PCDHA3: variants seen among roughly 807,000 people sequenced by gnomAD.
PCDHA3 encodes the protein protocadherin alpha 3.
PCDHA3 carries 41 observed loss-of-function variants against 62.2 expected under a neutral mutation model. The observed-to-expected ratio is 0.66, with a 90% CI of 0.51 to 0.86. The LOEUF (loss-of-function observed/expected upper bound fraction) is 0.86. PCDHA3 is among the 40% of genes least tolerant of loss of function. The pLI is 0.00. For synonymous variants in PCDHA3, 640 were observed against 555.4 expected (o/e 1.15, Z -2.14); for missense variants, 1,304 against 1,241.2 (o/e 1.05, Z -0.76).
chr5:140,830,567 GTTTTTAA>G, intron 1 of PCDHA3: 1 of 951,116 alleles, frequency 1.1e-6, no homozygotes, highest in Non-Finnish European at 1.4e-6. Context: ...CTATATTTCT[GTTTTTAA>G]TTTTTAATTA....
At chr5:140,830,650 A>G (rs1771186234) in intron 1 of PCDHA3, 2 of 455,226 alleles carry the variant, frequency 4.4e-6, no homozygotes, top group East Asian at 4.5e-5. Flanking sequence ...CTTCTTTAAT[A>G]TTCATAATTT....
intron 3 of PCDHA3, among the ~76,000 whole-genome samples, chr5:140,989,486 A>G (rs1563557204): frequency 6.6e-6 from 1 of 152,190 alleles, no homozygotes; most frequent in African/African-American, 2.4e-5. Context: ...AGGTGCTTGA[A>G]CAAGAAAGAC....
At chr5:140,892,707 G>A (rs958500270) in intron 1 of PCDHA3, among the ~76,000 whole-genome samples, 1 of 152,136 alleles carries the variant, frequency 6.6e-6, no homozygotes, top group African/African-American at 2.4e-5. Flanking sequence ...AGGGTAATTA[G>A]CATATTCATA....
At chr5:141,005,469 C>T (rs549630927) in intron 3 of PCDHA3, among the ~76,000 whole-genome samples, 2 of 151,656 alleles carry the variant, frequency 1.3e-5, no homozygotes, top group South Asian at 2.1e-4. Flanking sequence ...TTTGGGAGGC[C>T]GAGACGGGCG....
intron 1 of PCDHA3, chr5:140,804,812 C>A (rs1763464693): frequency 3.1e-6 from 1 of 318,998 alleles, no homozygotes. Context: ...TAGTAACCAA[C>A]TGAAACCTGG....
chr5:140,920,728 C>T (rs781955762), intron 1 of PCDHA3, among the ~76,000 whole-genome samples: 8 of 151,974 alleles, frequency 5.3e-5, no homozygotes, highest in Non-Finnish European at 1.0e-4. Context: ...CCTGCAGTCC[C>T]AGCTACTCAG....
chr5:140,822,593 A>G (rs2150117634), intron 1 of PCDHA3: 1 of 1,611,374 alleles, frequency 6.2e-7, no homozygotes, highest in East Asian at 2.2e-5. Flanking sequence ...GAGGGCATCA[A>G]TAAGGAAATA....
intron 1 of PCDHA3, chr5:140,834,394 C>A (rs2150216490): frequency 1.3e-6 from 2 of 1,596,908 alleles, no homozygotes; most frequent in Admixed American, 1.7e-5. Flanking sequence ...ATGGTGTGCC[C>A]GAATGGATAC....
At chr5:140,963,159 C>T (rs971538193) in intron 1 of PCDHA3, among the ~76,000 whole-genome samples, 14 of 151,752 alleles carry the variant, frequency 9.2e-5, no homozygotes, top group Non-Finnish European at 1.9e-4. Flanking sequence ...AAAAATGACA[C>T]ATGCCATCTT....
intron 1 of PCDHA3, among the ~76,000 whole-genome samples, chr5:140,953,010 G>C (rs116014174): frequency 0.016 from 2,468 of 152,152 alleles, 61 homozygotes; most frequent in African/African-American, 0.055. Flanking sequence ...ACTATTATGA[G>C]AACAACATTA....
Position 140,912,120 on chromosome 5 carries a change from G to A in PCDHA3, c.2395-66829G>A, listed in dbSNP as rs371645551. On this transcript the variant is annotated intron_variant, in intron 1 of 3. Transcript: ENST00000522353. ...AGAAAGATGTAGGCTGGGAGGCTAA[G>A]TCAGTCTAATCTCTCCATGTTCTTC... Among the ~76,000 whole-genome samples the A allele has an allele frequency of 1.7e-4, 26 of 152,328 alleles. 3 individuals are homozygous for A. In the East Asian group the frequency reaches 1.9e-3, roughly 11 times the overall value.
chr5:140,828,136 C>G (rs936364862), intron 1 of PCDHA3: 1 of 1,613,734 alleles, frequency 6.2e-7, no homozygotes. Context: ...AATGTCTGCT[C>G]CTCCCGCTTC....
At chr5:140,895,036 A>T (rs1207978693) in intron 1 of PCDHA3, among the ~76,000 whole-genome samples, 1 of 151,998 alleles carries the variant, frequency 6.6e-6, no homozygotes, top group Non-Finnish European at 1.5e-5. Flanking sequence ...ATTGTCCCCC[A>T]CCCACACCAT....
intron 1 of PCDHA3, chr5:140,859,302 A>G (rs1280073821): frequency 4.7e-5 from 6 of 128,898 alleles, no homozygotes; most frequent in Non-Finnish European, 1.1e-4. Context: ...CTTTAGTATG[A>G]ATTAATATTA....
Position 140,805,615 on chromosome 5 carries a change from A to G in PCDHA3, c.2394+2024A>G, listed in dbSNP as rs532601368. ...CTTTATATATTAAATTTCTTTATGT[A>G]AGAAAATGTATTGTGGTTTATTTAT... On this transcript the variant is annotated intron_variant, in intron 1 of 3. Transcript: ENST00000522353. 1.6e-5 allele frequency: 15 copies of G among 918,546 alleles called. No homozygotes were observed. The East Asian group carries it at 4.7e-4, about 29-fold the overall frequency. 56.9% of individuals were successfully genotyped at this position (918,546 alleles called of 1,614,324 possible).
intron 1 of PCDHA3, among the ~76,000 whole-genome samples, chr5:140,906,640 G>A (rs1465278194): frequency 6.6e-6 from 1 of 152,210 alleles, no homozygotes; most frequent in African/African-American, 2.4e-5. Context: ...ACCTCAGCAG[G>A]TAGTGGTTTT....
chr5:140,869,415 C>T (rs1444507177), intron 1 of PCDHA3: 2 of 1,614,216 alleles, frequency 1.2e-6, no homozygotes, highest in South Asian at 1.1e-5. Context: ...AGTGCAGCAT[C>T]CACCTGGAGG....
intron 3 of PCDHA3, among the ~76,000 whole-genome samples, chr5:141,001,813 G>A (rs782384459): frequency 2.6e-5 from 4 of 152,172 alleles, no homozygotes; most frequent in Non-Finnish European, 4.4e-5. Flanking sequence ...TCTACAATCG[G>A]CCAAATTCTG....
At chr5:140,849,541 A>C in intron 1 of PCDHA3, 1 of 1,598,262 alleles carries the variant, frequency 6.3e-7, no homozygotes, top group Non-Finnish European at 8.6e-7. Flanking sequence ...AATGCTCCAC[A>C]GTTGACTATC....
Sources: gnomAD v4.1 joint callset for allele counts (sites outside exome capture counted in the v4.1 genomes callset) on GRCh38, gnomAD v4.1.1 for gene constraint, MANE v1.5 for transcripts, NCBI Gene and HGNC (gene_info 2026-07-23, HGNC 2026-07-21) for gene names.